The following CDH23 variants were observed in gnomAD, a reference collection of about 807,000 sequenced individuals.
The protein encoded by CDH23 is cadherin related 23.
CDH23 carries 189 observed loss-of-function variants against 317.1 expected under a neutral mutation model. The observed-to-expected ratio is 0.60, with a 90% confidence interval of 0.53 to 0.67. The LOEUF (loss-of-function observed/expected upper bound fraction) is 0.67, where lower values mean the gene tolerates loss of function less well. CDH23 is among the 30% of genes least tolerant of loss of function. CDH23 has a pLI of 0.00. For missense variants in CDH23, 4,401 were observed against 4,592.4 expected (o/e 0.96, Z 1.20); for synonymous variants, 1,839 against 1,876.8 (o/e 0.98, Z 0.52).
At chr10:71,482,993 A>T (rs769743945) in intron 3 of CDH23, among the ~76,000 whole-genome samples, 7 of 152,226 alleles carry the variant, frequency 4.6e-5, no homozygotes, top group Non-Finnish European at 8.8e-5. Context: ...GGTACAAAGG[A>T]CATTGAGAGG....
At chr10:71,439,183 A>G (rs767886499) in intron 1 of CDH23, among the ~76,000 whole-genome samples, 6 of 152,086 alleles carry the variant, frequency 3.9e-5, no homozygotes, top group Non-Finnish European at 7.4e-5. Context: ...GCCTCCACAG[A>G]CTTGCTGTGA....
chr10:71,481,683 G>A (rs7901112), intron 3 of CDH23, among the ~76,000 whole-genome samples: 87,591 of 152,062 alleles, frequency 0.58, 25,588 homozygotes, highest in East Asian at 0.75. Context: ...ATTACTGGAC[G>A]TGGCAAATGG....
intron 63 of CDH23, 28 bp from the exon 64 acceptor site, chr10:71,811,483 C>A (rs774229785): frequency 3.7e-6 from 6 of 1,613,846 alleles, no homozygotes; most frequent in Non-Finnish European, 5.1e-6. Flanking sequence ...CCCCACTGCC[C>A]GGGCTTACCC....
chr10:71,425,228 A>AGAGG (rs766794846), intron 1 of CDH23, among the ~76,000 whole-genome samples: 21 of 37,632 alleles, frequency 5.6e-4, no homozygotes, highest in Non-Finnish European at 1.1e-3. Context: ...GCAGAGAGAG[A>AGAGG]GAGGGAGAGA....
At position 71,755,304 on chromosome 10, in the gene CDH23, G is replaced by A. The variant is rs955564555; in HGVS notation, c.4845+13383G>A. On this transcript the variant is annotated intron_variant, in intron 38 of 69. Coordinates refer to ENST00000224721, the MANE Select transcript of CDH23 (RefSeq NM_022124.6). ...GCGAATCCCAGGGGCTGAACTGGGG[G>A]CTGGAGCAGGTCACTCGCACCGTCC... 3.4e-6 allele frequency: 5 copies of A among 1,477,502 alleles called. No individual in the cohort carries two copies. In the African/African-American group the frequency reaches 4.2e-5, roughly 12 times the overall value. 91.5% of individuals were successfully genotyped at this position (1,477,502 alleles called of 1,614,324 possible).
chr10:71,652,762 C>T (rs1004975817), intron 14 of CDH23, among the ~76,000 whole-genome samples: 4 of 152,180 alleles, frequency 2.6e-5, no homozygotes, highest in African/African-American at 9.7e-5. Context: ...CCAGGGAGCA[C>T]GGGCCCTGGG....
chr10:71,809,167 C>CTTTTTTTTT (rs61078259), intron 60 of CDH23, among the ~76,000 whole-genome samples: 46 of 68,832 alleles, frequency 6.7e-4, no homozygotes, highest in East Asian at 3.1e-3. Flanking sequence ...TTTCTTTTTC[C>CTTTTTTTTT]TTTTTTTTTT....
intron 14 of CDH23, among the ~76,000 whole-genome samples, chr10:71,656,878 G>T (rs753943706): frequency 2.0e-5 from 3 of 152,140 alleles, no homozygotes; most frequent in Non-Finnish European, 4.4e-5. Context: ...GAGCCCTGAG[G>T]ATGGATCTCC....
chr10:71,450,625 C>T (rs560168836), intron 3 of CDH23, among the ~76,000 whole-genome samples: 1 of 152,206 alleles, frequency 6.6e-6, no homozygotes, highest in Non-Finnish European at 1.5e-5. Flanking sequence ...CCAACCACCT[C>T]TGTGTTGCTA....
At chr10:71,575,649 GC>G (rs1055415138) in intron 8 of CDH23, among the ~76,000 whole-genome samples, 15 of 152,302 alleles carry the variant, frequency 9.8e-5, no homozygotes, top group South Asian at 2.1e-4. Flanking sequence ...GCACCCTGGC[GC>G]ACACCCCAGC....
At position 71,785,080 on chromosome 10, in the gene CDH23, G is replaced by T. The variant is rs548937425; in HGVS notation, c.5692G>T (p.Ala1898Ser). ...FNITAGNRER[A>S]FFINATTGIV... Reference sequence around the variant, plus strand: ...CATCACTGCGGGCAACCGCGAGCGGGCCTTCTTCATCAATGCCACGGTAGG... The same window carrying T: ...CATCACTGCGGGCAACCGCGAGCGGTCCTTCTTCATCAATGCCACGGTAGG... The change falls in exon 43 of 70, where the codon GCC (alanine) becomes TCC (serine). Residue 1898 changes from alanine to serine, a missense_variant. By Grantham distance (99) the Ala-to-Ser change is moderately conservative. This residue lies in a region of CDH23 where 3,068 missense variants were observed against 3,203.3 expected (regional missense o/e 0.96). Coordinates refer to ENST00000224721, the MANE Select transcript of CDH23 (RefSeq NM_022124.6). 3 of 1,613,978 alleles carry T rather than the reference G, an allele frequency of 1.9e-6. No individual in the cohort carries two copies. The highest frequency in any genetic ancestry group is 2.5e-6 in the Non-Finnish European group (3 of 1,179,828).
At chr10:71,645,391 C>T (rs994055397) in intron 12 of CDH23, among the ~76,000 whole-genome samples, 2 of 152,200 alleles carry the variant, frequency 1.3e-5, no homozygotes, top group Non-Finnish European at 2.9e-5. Context: ...CCCTTGTGTC[C>T]TCTCCTGGCC....
chr10:71,604,221 G>A (rs948293100), intron 9 of CDH23, among the ~76,000 whole-genome samples: 2 of 152,192 alleles, frequency 1.3e-5, no homozygotes, highest in African/African-American at 4.8e-5. Flanking sequence ...GTTTGAGGCT[G>A]CAATGAGCTG....
intron 14 of CDH23, among the ~76,000 whole-genome samples, chr10:71,670,288 G>T (rs967885161): frequency 2.6e-5 from 4 of 152,244 alleles, no homozygotes; most frequent in Admixed American, 6.5e-5. Context: ...GGAAGGTTAT[G>T]CTGGCCCTCC....
chr10:71,664,781 A>ACTC (rs1863816869), intron 14 of CDH23, among the ~76,000 whole-genome samples: 1 of 151,400 alleles, frequency 6.6e-6, no homozygotes, highest in African/African-American at 2.4e-5. Flanking sequence ...TACTGTGATT[A>ACTC]CTCCTTCTGT....
In CDH23 at chr10:71,799,317, C is replaced by T. The variant is rs150381013; in HGVS notation, c.7224+37C>T. ...GGCCACAGGCTGGGTCCAGGACCTG[C>T]GCCCATTCCTTGGGGTCTTTGGGCA... On this transcript the variant is annotated intron_variant, in intron 51 of 69. Transcript: ENST00000224721. The T allele has an allele frequency of 6.2e-4, 1,006 of 1,613,142 alleles. 8 individuals carry two copies. In the African/African-American group the frequency reaches 9.5e-3, roughly 15 times the overall value.
chr10:71,533,822 T>C (rs932854432), intron 6 of CDH23, among the ~76,000 whole-genome samples: 3 of 151,914 alleles, frequency 2.0e-5, no homozygotes, highest in African/African-American at 7.3e-5. Context: ...CAAATAAATA[T>C]TCTCTCCCCC....
At chr10:71,615,755 G>A (rs1000710319) in intron 10 of CDH23, 139 bp downstream of exon 10, 11 of 635,456 alleles carry the variant, frequency 1.7e-5, no homozygotes, top group Non-Finnish European at 2.8e-5. Flanking sequence ...ACCCTGCACT[G>A]CCTCCCGGGG....
At position 71,600,248 on chromosome 10, in the gene CDH23, T is replaced by C. The variant is rs889451587; in HGVS notation, c.833-15256T>C. ...AACTCCTGACCTCAGTTGATCCACC[T>C]GCCTTGGCCTCCCAAAGTGCTGGGA... On this transcript the variant is annotated intron_variant, in intron 9 of 69. Coordinates refer to ENST00000224721, the MANE Select transcript of CDH23 (RefSeq NM_022124.6). Among the ~76,000 whole-genome samples, 5 of 152,200 alleles carry C rather than the reference T, an allele frequency of 3.3e-5. No homozygotes were observed. In the East Asian group the frequency reaches 5.8e-4, roughly 18 times the overall value.
Sources: allele counts gnomAD v4.1 joint callset (sites outside exome capture counted in the v4.1 genomes callset), GRCh38; gene constraint gnomAD v4.1.1; regional missense constraint gnomAD v4.1.1; transcripts MANE v1.5; gene names NCBI Gene and HGNC (gene_info 2026-07-23, HGNC 2026-07-21).